The following MRTFB variants were observed in gnomAD, a reference collection of about 807,000 sequenced individuals.
MRTFB encodes the protein myocardin related transcription factor B, also known as myocardin-related transcription factor B.
Under a neutral mutation model 104.2 loss-of-function variants are expected in MRTFB, and 29 were observed. The observed-to-expected ratio is 0.28, with a 90% CI of 0.21 to 0.38. The LOEUF (loss-of-function observed/expected upper bound fraction) is 0.38, where lower values mean the gene tolerates loss of function less well. Ranked by LOEUF, MRTFB falls within the 10% of genes least tolerant of loss-of-function variation. MRTFB has a pLI of 1.00. For synonymous variants in MRTFB, 535 were observed against 519.5 expected (o/e 1.03, Z -0.41); for missense variants, 1,270 against 1,341.6 (o/e 0.95, Z 0.83).
chr16:14,025,865 A>G, the MRTFB span, among the ~76,000 whole-genome samples: 1 of 152,246 alleles, frequency 6.6e-6, no homozygotes, highest in African/African-American at 2.4e-5. Flanking sequence ...GGAAAAACAG[A>G]ATGTCATTTA....
chr16:14,002,566 A>G, the MRTFB span, among the ~76,000 whole-genome samples: 2 of 152,196 alleles, frequency 1.3e-5, no homozygotes, highest in South Asian at 2.1e-4. Context: ...TGCCTGCATC[A>G]TCGACAATTC....
chr16:14,032,952 G>A, the MRTFB span, among the ~76,000 whole-genome samples: 1 of 151,922 alleles, frequency 6.6e-6, no homozygotes, highest in Non-Finnish European at 1.5e-5. Context: ...CTCCCAAGTA[G>A]TTGGAACCAC....
At chr16:14,081,740 C>G (rs2034421679) in intron 2 of MRTFB, among the ~76,000 whole-genome samples, 1 of 152,118 alleles carries the variant, frequency 6.6e-6, no homozygotes, top group Admixed American at 6.5e-5. Context: ...CCACCACACT[C>G]TGCCAAATTT....
intron 3 of MRTFB, among the ~76,000 whole-genome samples, chr16:14,158,196 A>C (rs964363157): frequency 6.6e-6 from 1 of 152,200 alleles, no homozygotes; most frequent in Non-Finnish European, 1.5e-5. Flanking sequence ...GTAACCAATC[A>C]ACACATATTT....
intron 3 of MRTFB, among the ~76,000 whole-genome samples, chr16:14,157,158 G>A (rs2142857011): frequency 6.6e-6 from 1 of 152,268 alleles, no homozygotes; most frequent in Non-Finnish European, 1.5e-5. Flanking sequence ...ATATAATAGG[G>A]AATATCAGAG....
At chr16:14,072,860 C>G (rs2033800626) in intron 1 of MRTFB, among the ~76,000 whole-genome samples, 1 of 152,170 alleles carries the variant, frequency 6.6e-6, no homozygotes, top group Admixed American at 6.5e-5. Flanking sequence ...TCCATGGATC[C>G]ATATTTTTAA....
At chr16:14,095,675 T>C (rs2035321142) in intron 2 of MRTFB, among the ~76,000 whole-genome samples, 1 of 152,242 alleles carries the variant, frequency 6.6e-6, no homozygotes, top group South Asian at 2.1e-4. Flanking sequence ...ATTTCATCAT[T>C]TTAACTATCA....
At chr16:14,112,782 G>C (rs750346500) in intron 2 of MRTFB, among the ~76,000 whole-genome samples, 28 of 152,118 alleles carry the variant, frequency 1.8e-4, no homozygotes, top group Non-Finnish European at 3.4e-4. Flanking sequence ...TGTTCTCCAG[G>C]TATCTTTATA....
At chr16:14,143,037 C>T (rs1349877255) in intron 3 of MRTFB, 1 of 152,140 alleles carries the variant, frequency 6.6e-6, no homozygotes, top group Non-Finnish European at 1.5e-5. Flanking sequence ...GTGTTTTTAT[C>T]AGTAGTAGAA....
intron 1 of MRTFB, among the ~76,000 whole-genome samples, chr16:14,074,439 T>A (rs939609680): frequency 6.6e-6 from 1 of 152,196 alleles, no homozygotes; most frequent in Non-Finnish European, 1.5e-5. Context: ...TTCATGCTTT[T>A]ATGAAGTTTT....
chr16:14,127,930 T>TG (rs1491428460), intron 2 of MRTFB, among the ~76,000 whole-genome samples: 2 of 31,696 alleles, frequency 6.3e-5, no homozygotes, highest in African/African-American at 2.7e-4. Flanking sequence ...TATATATATA[T>TG]TTTTTTTTTT....
chr16:14,217,948 A>G (rs529340814), intron 7 of MRTFB, among the ~76,000 whole-genome samples: 1 of 152,342 alleles, frequency 6.6e-6, no homozygotes, highest in African/African-American at 2.4e-5. Flanking sequence ...TAGCAGAAAA[A>G]CAGAAAAAAT....
At chr16:13,997,924 G>A in the MRTFB span, among the ~76,000 whole-genome samples, 1,414 of 152,080 alleles carry the variant, frequency 9.3e-3, 25 homozygotes, top group African/African-American at 0.032. Context: ...GGAGCTTACC[G>A]TCTAGAGAAA....
the MRTFB span, among the ~76,000 whole-genome samples, chr16:14,003,654 C>CT: frequency 4.0e-4 from 59 of 149,060 alleles, no homozygotes; most frequent in African/African-American, 1.4e-3. Context: ...CCCTCCCTCC[C>CT]TCCCTCCCTC....
chr16:14,067,237 T>G (rs2033534332), upstream of MRTFB, among the ~76,000 whole-genome samples: 1 of 148,682 alleles, frequency 6.7e-6, no homozygotes, highest in South Asian at 2.2e-4. Context: ...TTTTTTTTTT[T>G]TTGAGACAGG....
chr16:14,150,971 T>C (rs965933323), intron 3 of MRTFB: 2 of 152,154 alleles, frequency 1.3e-5, no homozygotes, highest in Admixed American at 1.3e-4. Context: ...TGTGAGAACC[T>C]CAAGAGATTA....
chr16:14,247,575 G>A lies in MRTFB; in HGVS notation c.2247+68G>A. ...TGGAATGCAAACCCTGCTAAGGAAG[G>A]CACCATACCTGAGCTCTTCCATAAA... is the stretch of plus-strand genomic sequence containing the variant. On this transcript the variant is annotated intron_variant, in intron 12 of 16. Transcript: ENST00000571589. The A allele has an allele frequency of 2.1e-6, 3 of 1,415,666 alleles. No homozygotes were observed. In the South Asian group the frequency reaches 4.1e-5, roughly 19 times the overall value. The allele number at this position is 1,415,666 out of a possible 1,614,324, so 87.7% of individuals were successfully genotyped here. A position where few individuals can be genotyped will look rare whatever the true frequency, so the allele number is the denominator to read the frequency against.
At chr16:14,003,462 C>T in the MRTFB span, among the ~76,000 whole-genome samples, 1 of 152,200 alleles carries the variant, frequency 6.6e-6, no homozygotes, top group Non-Finnish European at 1.5e-5. Flanking sequence ...AATCAGAGAA[C>T]AGCCCCCAGG....
chr16:14,091,866 C>T (rs1381145334), intron 2 of MRTFB, among the ~76,000 whole-genome samples: 1 of 151,676 alleles, frequency 6.6e-6, no homozygotes, highest in Non-Finnish European at 1.5e-5. Flanking sequence ...ATGGTGGCAG[C>T]TGCCTGTAAT....
Sources: gnomAD v4.1 joint callset for allele counts (sites outside exome capture counted in the v4.1 genomes callset) on GRCh38, gnomAD v4.1.1 for gene constraint, MANE v1.5 for transcripts, NCBI Gene and HGNC (gene_info 2026-07-23, HGNC 2026-07-21) for gene names.